LRMDA: variants seen among roughly 807,000 people sequenced by gnomAD.
LRMDA encodes leucine-rich melanocyte differentiation-associated protein.
A neutral mutation model predicts 29.8 loss-of-function variants in LRMDA; 18 were observed. The observed-to-expected ratio is 0.60, with a 90% confidence interval of 0.42 to 0.90. The LOEUF (loss-of-function observed/expected upper bound fraction) is 0.90. LRMDA is among the 40% of genes least tolerant of loss of function. The pLI is 0.00. For missense variants in LRMDA, 273 were observed against 273.9 expected, an observed-to-expected ratio of 1.00 and a Z score of 0.02; for synonymous variants, 125 against 109.4, an observed-to-expected ratio of 1.14 and a Z score of -0.89.
intron 6 of LRMDA, among the ~76,000 whole-genome samples, chr10:76,533,999 C>T (rs1843264864): frequency 1.3e-5 from 2 of 152,242 alleles, no homozygotes; most frequent in Admixed American, 6.5e-5. Flanking sequence ...GATGCTCATT[C>T]ATTGACCTAT....
chr10:75,470,059 C>G (rs1844707463), intron 2 of LRMDA, among the ~76,000 whole-genome samples: 1 of 152,218 alleles, frequency 6.6e-6, no homozygotes. Context: ...CTCTTTTCCT[C>G]AAGACTCTAC....
rs1564638512 is a variant in LRMDA, at chr10:76,047,281, G to A, written c.376G>A (p.Glu126Lys). The change falls in exon 4 of 7, where the codon GAG (glutamate) becomes AAG (lysine). Residue 126 changes from glutamate to lysine, a missense_variant. Coordinates refer to ENST00000611255, the MANE Select transcript of LRMDA (RefSeq NM_001305581.2). ...CGAGCTGGTCAGCTTGGAAAAGGAT[G>A]AGGAAGACTACAAGAGATACAGGTG... The part of the protein sequence containing the change: ...PNELVSLEKD[E>K]EDYKRYRCFV... 1.9e-6 allele frequency: 3 copies of A among 1,613,374 alleles called. No homozygotes were observed. The highest frequency in any genetic ancestry group is 4.5e-5 in the East Asian group (2 of 44,868).
intron 2 of LRMDA, among the ~76,000 whole-genome samples, chr10:75,639,342 T>C (rs1841424816): frequency 6.6e-6 from 1 of 152,172 alleles, no homozygotes; most frequent in Non-Finnish European, 1.5e-5. Context: ...GACCTGGCTT[T>C]ACAAGTGTAA....
chr10:75,648,029 C>A (rs1023554868), intron 2 of LRMDA, among the ~76,000 whole-genome samples: 1 of 151,966 alleles, frequency 6.6e-6, no homozygotes, highest in Non-Finnish European at 1.5e-5. Flanking sequence ...GGGAGCACAA[C>A]TTCCCTTTGG....
In LRMDA at chr10:76,357,939, C is replaced by A. The variant is rs114793172; in HGVS notation, c.601+33454C>A. Among the ~76,000 whole-genome samples, 980 of 152,202 alleles carry A rather than the reference C, an allele frequency of 6.4e-3. 18 individuals are homozygous for A. Among genetic ancestry groups the A allele is most frequent in the African/African-American group, 0.021 (890 of 41,530 alleles). The stretch of plus-strand genomic sequence containing the variant: ...CTCTTGACTTTGAGGAGCTTGGAGG[C>A]CATTGTGAAAACAGGAAAGACAAGC... On this transcript the variant is annotated intron_variant, in intron 6 of 6. Transcript: ENST00000611255.
chr10:76,045,891 C>G (rs998226901), intron 3 of LRMDA, among the ~76,000 whole-genome samples: 1 of 152,114 alleles, frequency 6.6e-6, no homozygotes, highest in Non-Finnish European at 1.5e-5. Flanking sequence ...TCTTTTGTGA[C>G]AAGTTGAAAT....
intron 2 of LRMDA, among the ~76,000 whole-genome samples, chr10:75,750,023 C>G (rs1311845147): frequency 6.6e-6 from 1 of 152,268 alleles, no homozygotes; most frequent in Non-Finnish European, 1.5e-5. Context: ...AGGATGTCTA[C>G]TTCTTTCTAC....
chr10:75,810,320 C>A (rs564164832), intron 2 of LRMDA, among the ~76,000 whole-genome samples: 33 of 152,244 alleles, frequency 2.2e-4, no homozygotes, highest in African/African-American at 7.7e-4. Flanking sequence ...GTGTGCAGGG[C>A]AGACTGGGTA....
chr10:76,505,473 TA>T (rs1392585909), intron 6 of LRMDA, among the ~76,000 whole-genome samples: 1 of 152,084 alleles, frequency 6.6e-6, no homozygotes, highest in South Asian at 2.1e-4. Flanking sequence ...AATTATTTTT[TA>T]AAAAATTTTT....
At chr10:76,247,859 T>C (rs1191162395) in intron 5 of LRMDA, among the ~76,000 whole-genome samples, 3 of 151,846 alleles carry the variant, frequency 2.0e-5, no homozygotes, top group Non-Finnish European at 4.4e-5. Flanking sequence ...CTTCCGGAGG[T>C]TGAGAATATT....
intron 2 of LRMDA, among the ~76,000 whole-genome samples, chr10:75,883,093 G>T (rs1035724334): frequency 2.6e-5 from 4 of 152,074 alleles, no homozygotes; most frequent in Non-Finnish European, 5.9e-5. Context: ...CCTTCTCCTT[G>T]CTAGCTCAGC....
chr10:76,069,943 G>T (rs1848848998), intron 5 of LRMDA, among the ~76,000 whole-genome samples: 1 of 152,140 alleles, frequency 6.6e-6, no homozygotes. Context: ...ATGAGCTGTT[G>T]TTGGATTTGC....
Position 76,000,185 on chromosome 10 carries a change from C to T in LRMDA, c.132-35823C>T, listed in dbSNP as rs184228160. ...GGTTTTTGGTGATGGAGGTGGAGGACGGGGGCTGGGAGGATGGCGCTGATG... is the reference window on the plus strand; with the variant it reads ...GGTTTTTGGTGATGGAGGTGGAGGATGGGGGCTGGGAGGATGGCGCTGATG... On this transcript the variant is annotated intron_variant, in intron 2 of 6. Coordinates refer to ENST00000611255, the MANE Select transcript of LRMDA (RefSeq NM_001305581.2). Among the ~76,000 whole-genome samples, 114 of 152,020 alleles carry T rather than the reference C, an allele frequency of 7.5e-4. 1 individual carries two copies. The highest frequency in any genetic ancestry group is 1.3e-3 in the Non-Finnish European group (86 of 67,984).
chr10:75,667,995 C>T (rs1841844243), intron 2 of LRMDA, among the ~76,000 whole-genome samples: 2 of 152,238 alleles, frequency 1.3e-5, no homozygotes, highest in South Asian at 4.1e-4. Flanking sequence ...CCTATTTCTT[C>T]CATTCCTTTG....
At chr10:76,058,815 G>T (rs1294295004) in intron 5 of LRMDA, 32 bp downstream of exon 5, 1 of 1,517,182 alleles carries the variant, frequency 6.6e-7, no homozygotes, top group Non-Finnish European at 9.2e-7. Context: ...CTTCACAAGG[G>T]ATTTACATCT....
chr10:75,698,234 G>A (rs1842263262), intron 2 of LRMDA, among the ~76,000 whole-genome samples: 1 of 152,064 alleles, frequency 6.6e-6, no homozygotes, highest in Non-Finnish European at 1.5e-5. Flanking sequence ...TCTAGACATG[G>A]AATCAGATTT....
intron 5 of LRMDA, among the ~76,000 whole-genome samples, chr10:76,099,927 G>A (rs749222183): frequency 6.6e-6 from 1 of 152,100 alleles, no homozygotes; most frequent in Non-Finnish European, 1.5e-5. Flanking sequence ...TGTTTCATAT[G>A]AGGCTTCATA....
chr10:75,955,720 C>T (rs1846651955), intron 2 of LRMDA, among the ~76,000 whole-genome samples: 1 of 152,128 alleles, frequency 6.6e-6, no homozygotes, highest in Non-Finnish European at 1.5e-5. Flanking sequence ...TCCCTTGTTG[C>T]ATTTCTTTGA....
chr10:75,484,492 G>A (rs1175337868), intron 2 of LRMDA, among the ~76,000 whole-genome samples: 1 of 152,066 alleles, frequency 6.6e-6, no homozygotes, highest in Admixed American at 6.6e-5. Context: ...AGAGCAATTG[G>A]CAGGAGTTTT....
Sources: gnomAD v4.1 joint callset for allele counts (sites outside exome capture counted in the v4.1 genomes callset) on GRCh38, gnomAD v4.1.1 for gene constraint, MANE v1.5 for transcripts, NCBI Gene and HGNC (gene_info 2026-07-23, HGNC 2026-07-21) for gene names.